Variants in CCSER1 observed in about 807,000 individuals in gnomAD.
CCSER1 encodes the protein serine-rich coiled-coil domain-containing protein 1.
A neutral mutation model predicts 82.0 loss-of-function variants in CCSER1; 41 were observed. The ratio of observed to expected loss-of-function variants is 0.50; its 90% CI spans 0.39 to 0.65. The LOEUF (loss-of-function observed/expected upper bound fraction) is 0.65. Ranked by LOEUF, CCSER1 falls within the 30% of genes least tolerant of loss-of-function variation. The pLI, the probability that CCSER1 is intolerant of heterozygous loss-of-function variation, is 0.00. For missense variants in CCSER1, 1,119 were observed against 1,064.2 expected (o/e 1.05, Z -0.72); for synonymous variants, 414 against 383.9 (o/e 1.08, Z -0.92).
At chr4:91,221,312 A>C (rs537771195) in intron 10 of CCSER1, among the ~76,000 whole-genome samples, 7 of 152,292 alleles carry the variant, frequency 4.6e-5, no homozygotes, top group Admixed American at 2.0e-4. Flanking sequence ...ATTTTACTAT[A>C]AATATGATTT....
chr4:90,847,656 T>C (rs1345952160), intron 8 of CCSER1, among the ~76,000 whole-genome samples: 1 of 152,148 alleles, frequency 6.6e-6, no homozygotes, highest in Non-Finnish European at 1.5e-5. Context: ...AACGTCGACT[T>C]AGGTATACTT....
intron 6 of CCSER1, among the ~76,000 whole-genome samples, chr4:90,705,026 T>A (rs1739036857): frequency 6.6e-6 from 1 of 152,238 alleles, no homozygotes; most frequent in Non-Finnish European, 1.5e-5. Flanking sequence ...GGAGCTGTGT[T>A]CCTTTGGAGG....
chr4:90,703,482 A>G (rs962583020), intron 6 of CCSER1, among the ~76,000 whole-genome samples: 2 of 152,146 alleles, frequency 1.3e-5, no homozygotes, highest in Non-Finnish European at 2.9e-5. Flanking sequence ...GTAGATGTCT[A>G]TTAGGTCCGC....
chr4:90,911,431 C>A, intron 8 of CCSER1: 1 of 414,466 alleles, frequency 2.4e-6, no homozygotes, highest in South Asian at 1.7e-5. Flanking sequence ...GCCTTGGCAT[C>A]ATTAAGCAAT....
chr4:91,518,348 G>A lies in CCSER1; in HGVS notation c.2218-80224G>A, dbSNP rs750002903. On this transcript the variant is annotated intron_variant, in intron 10 of 10. Transcript: ENST00000509176. ...GGAGGAGGTGTCTGGTTATGAGCAGGGGGTTTGGGTGGGACCCATGGGAGA... is the reference window on the plus strand; with the variant it reads ...GGAGGAGGTGTCTGGTTATGAGCAGAGGGTTTGGGTGGGACCCATGGGAGA... 7.9e-5 allele frequency among the ~76,000 whole-genome samples: 12 copies of A among 152,134 alleles called. No individual in the cohort carries two copies. In the South Asian group the frequency reaches 2.5e-3, roughly 32 times the overall value.
At chr4:91,134,895 A>C (rs1728324149) in intron 10 of CCSER1, among the ~76,000 whole-genome samples, 2 of 152,016 alleles carry the variant, frequency 1.3e-5, no homozygotes, top group Admixed American at 1.3e-4. Flanking sequence ...CCCCATCTCT[A>C]CTAAAAATAC....
In CCSER1 at chr4:90,442,261, C is replaced by T. The variant is rs1759997702; in HGVS notation, c.1604-25973C>T. On this transcript the variant is annotated intron_variant, in intron 4 of 10. Coordinates refer to ENST00000509176, the MANE Select transcript of CCSER1 (RefSeq NM_001145065.2). ...ACAGGATCTCCCTCACTGTCACAGTCAGAGAAACCCCTGAGGAGGCCTGAT... is the reference window on the plus strand; with the variant it reads ...ACAGGATCTCCCTCACTGTCACAGTTAGAGAAACCCCTGAGGAGGCCTGAT... Among the ~76,000 whole-genome samples the T allele has an allele frequency of 2.0e-5, 3 of 152,100 alleles. No individual in the cohort carries two copies. In the South Asian group the frequency reaches 6.2e-4, roughly 32 times the overall value.
chr4:90,159,695 T>C (rs924468794), intron 1 of CCSER1, among the ~76,000 whole-genome samples: 4 of 152,232 alleles, frequency 2.6e-5, no homozygotes, highest in Admixed American at 6.5e-5. Flanking sequence ...ATTTACATTG[T>C]TTTACATTTC....
intron 5 of CCSER1, among the ~76,000 whole-genome samples, chr4:90,598,861 G>A (rs541103392): frequency 6.6e-6 from 1 of 152,110 alleles, no homozygotes; most frequent in Non-Finnish European, 1.5e-5. Flanking sequence ...CCCAGAGTAG[G>A]GAGCTATAGC....
intron 10 of CCSER1, among the ~76,000 whole-genome samples, chr4:91,438,759 G>C (rs1157468841): frequency 1.3e-5 from 2 of 152,124 alleles, no homozygotes; most frequent in African/African-American, 4.8e-5. Context: ...TGTATAACTA[G>C]AATAACCAAT....
At chr4:90,263,049 G>A (rs1043575660) in intron 1 of CCSER1, among the ~76,000 whole-genome samples, 1 of 152,180 alleles carries the variant, frequency 6.6e-6, no homozygotes, top group African/African-American at 2.4e-5. Flanking sequence ...GACCCTTCAT[G>A]TGCTGCCTGA....
chr4:90,899,661 G>A (rs533286799), intron 8 of CCSER1, among the ~76,000 whole-genome samples: 1 of 152,150 alleles, frequency 6.6e-6, no homozygotes, highest in Non-Finnish European at 1.5e-5. Context: ...TATCATGAAA[G>A]GATGTTGGAT....
At chr4:91,160,413 C>A (rs920276305) in intron 10 of CCSER1, among the ~76,000 whole-genome samples, 1 of 152,080 alleles carries the variant, frequency 6.6e-6, no homozygotes, top group African/African-American at 2.4e-5. Flanking sequence ...ATATACCAGG[C>A]AATGACATGG....
chr4:91,129,483 G>A (rs998995612), intron 10 of CCSER1, among the ~76,000 whole-genome samples: 1 of 151,846 alleles, frequency 6.6e-6, no homozygotes, highest in Non-Finnish European at 1.5e-5. Context: ...AATAGGATTT[G>A]GCATAAGTTA....
At chr4:91,481,986 A>G (rs1304716849) in intron 10 of CCSER1, among the ~76,000 whole-genome samples, 1 of 152,190 alleles carries the variant, frequency 6.6e-6, no homozygotes. Context: ...TTCTCAAAAG[A>G]AGACATTTAT....
At chr4:90,616,166 T>C (rs1721153109) in intron 5 of CCSER1, among the ~76,000 whole-genome samples, 1 of 152,208 alleles carries the variant, frequency 6.6e-6, no homozygotes, top group South Asian at 2.1e-4. Context: ...ACACAAACTT[T>C]TATATGTGCT....
intron 6 of CCSER1, among the ~76,000 whole-genome samples, chr4:90,688,779 C>T (rs2149218138): frequency 6.6e-6 from 1 of 152,106 alleles, no homozygotes; most frequent in South Asian, 2.1e-4. Flanking sequence ...AAGTGAAATA[C>T]CTACTTTGTA....
chr4:91,078,047 C>G (rs890563884), intron 9 of CCSER1, among the ~76,000 whole-genome samples: 4 of 152,240 alleles, frequency 2.6e-5, no homozygotes, highest in Non-Finnish European at 5.9e-5. Context: ...GCAGCAGAAA[C>G]TTCTGCAGAC....
chr4:91,190,233 C>A (rs1734888135), intron 10 of CCSER1, among the ~76,000 whole-genome samples: 1 of 152,186 alleles, frequency 6.6e-6, no homozygotes, highest in Non-Finnish European at 1.5e-5. Flanking sequence ...CAGTTAGATA[C>A]AAAACCAGAT....
Sources: gnomAD v4.1 joint callset for allele counts (sites outside exome capture counted in the v4.1 genomes callset) on GRCh38, gnomAD v4.1.1 for gene constraint, MANE v1.5 for transcripts, NCBI Gene and HGNC (gene_info 2026-07-23, HGNC 2026-07-21) for gene names.